CHRM3: variants seen among roughly 807,000 people sequenced by gnomAD.
The protein encoded by CHRM3 is muscarinic acetylcholine receptor M3.
In CHRM3, 11 loss-of-function variants were observed where a neutral mutation model predicts 41.8. That is an observed-to-expected ratio of 0.26 (90% CI 0.17 to 0.44). The LOEUF (loss-of-function observed/expected upper bound fraction) is 0.44. CHRM3 is among the 20% of genes least tolerant of loss of function. CHRM3 has a pLI of 1.00. For synonymous variants in CHRM3, 297 were observed against 301.4 expected, an observed-to-expected ratio of 0.99 and a Z score of 0.15; for missense variants, 571 against 745.4, an observed-to-expected ratio of 0.77 and a Z score of 2.72.
At chr1:239,462,517 A>G (rs1304437263) in intron 1 of CHRM3, among the ~76,000 whole-genome samples, 2 of 152,206 alleles carry the variant, frequency 1.3e-5, no homozygotes, top group African/African-American at 2.4e-5. Context: ...CAGAATTTCA[A>G]TTTGTACCTT....
chr1:239,699,684 G>T (rs529674784), intron 5 of CHRM3, among the ~76,000 whole-genome samples: 120 of 152,240 alleles, frequency 7.9e-4, no homozygotes, highest in African/African-American at 2.8e-3. Flanking sequence ...CATACATAAA[G>T]TATTTTTGTG....
chr1:239,676,978 C>G lies in CHRM3; in HGVS notation c.-249-1208C>G, dbSNP rs138767507. ...GGGGCAGCTTTCAGAACATGCCATT[C>G]CCCTTCACAGCCTCCTGCATGGGAG... On this transcript the variant is annotated intron_variant, in intron 4 of 6. Coordinates refer to ENST00000676153, the MANE Select transcript of CHRM3 (RefSeq NM_001375978.1). Among the ~76,000 whole-genome samples the G allele has an allele frequency of 2.2e-3, 330 of 152,278 alleles. 2 individuals carry two copies. Among genetic ancestry groups the G allele is most frequent in the African/African-American group, 7.6e-3 (314 of 41,556 alleles).
intron 4 of CHRM3, among the ~76,000 whole-genome samples, chr1:239,661,843 C>T (rs934554099): frequency 3.3e-5 from 5 of 151,934 alleles, no homozygotes; most frequent in African/African-American, 1.2e-4. Context: ...TATTGGTTCA[C>T]TTGTTATAAC....
At chr1:239,794,232 G>A (rs184361725) in intron 5 of CHRM3, among the ~76,000 whole-genome samples, 1 of 152,192 alleles carries the variant, frequency 6.6e-6, no homozygotes, top group African/African-American at 2.4e-5. Flanking sequence ...TAACATGTCT[G>A]GAGACAGTAC....
chr1:239,441,442 T>C (rs1663710605), intron 1 of CHRM3, among the ~76,000 whole-genome samples: 1 of 152,230 alleles, frequency 6.6e-6, no homozygotes, highest in Admixed American at 6.5e-5. Flanking sequence ...TTTCCATTGC[T>C]TCATTTCTCA....
intron 5 of CHRM3, among the ~76,000 whole-genome samples, chr1:239,711,633 C>T (rs539128303): frequency 1.8e-4 from 28 of 151,768 alleles, no homozygotes; most frequent in African/African-American, 6.0e-4. Flanking sequence ...CACTGCCCCA[C>T]TCCCTCCGTC....
intron 2 of CHRM3, among the ~76,000 whole-genome samples, chr1:239,531,587 AATC>A (rs1199857517): frequency 1.8e-4 from 27 of 149,908 alleles, no homozygotes; most frequent in Non-Finnish European, 1.5e-5. Flanking sequence ...GGTAAACAAA[AATC>A]ATGTATGCTA....
chr1:239,444,829 G>T (rs1373342247), intron 1 of CHRM3, among the ~76,000 whole-genome samples: 1 of 152,144 alleles, frequency 6.6e-6, no homozygotes, highest in Admixed American at 6.5e-5. Context: ...ACTAAGAGGT[G>T]GGATTAGAAA....
chr1:239,489,432 G>T (rs1667417842), intron 1 of CHRM3, among the ~76,000 whole-genome samples: 1 of 151,838 alleles, frequency 6.6e-6, no homozygotes, highest in South Asian at 2.1e-4. Flanking sequence ...AAAATTGGGG[G>T]TCAGTTAGGA....
chr1:239,429,537 G>A (rs1228256940), intron 1 of CHRM3, among the ~76,000 whole-genome samples: 1 of 152,000 alleles, frequency 6.6e-6, no homozygotes, highest in East Asian at 1.9e-4. Context: ...TATAAAACCG[G>A]GATGTAATTG....
At chr1:239,865,190 T>C (rs1275891944) in intron 6 of CHRM3, among the ~76,000 whole-genome samples, 1 of 152,172 alleles carries the variant, frequency 6.6e-6, no homozygotes, top group Non-Finnish European at 1.5e-5. Flanking sequence ...CTCTGTGATA[T>C]ATTGTTATGG....
intron 1 of CHRM3, among the ~76,000 whole-genome samples, chr1:239,485,020 T>C (rs1667097486): frequency 6.6e-6 from 1 of 152,234 alleles, no homozygotes; most frequent in African/African-American, 2.4e-5. Context: ...GATATCCCTA[T>C]ATTTATGGAG....
At chr1:239,519,297 G>A (rs1669471911) in intron 2 of CHRM3, among the ~76,000 whole-genome samples, 1 of 152,020 alleles carries the variant, frequency 6.6e-6, no homozygotes, top group African/African-American at 2.4e-5. Flanking sequence ...GCTCCTCTAG[G>A]AAACTAAACT....
chr1:239,856,851 G>C (rs905167981), intron 6 of CHRM3, among the ~76,000 whole-genome samples: 6 of 152,162 alleles, frequency 3.9e-5, no homozygotes, highest in African/African-American at 1.2e-4. Context: ...GTGCATGAAG[G>C]CTTCTTAGAA....
intron 2 of CHRM3, among the ~76,000 whole-genome samples, chr1:239,519,741 C>CTTTTTTTTTTTTTTTTTTTTT (rs386370161): frequency 2.4e-5 from 2 of 85,054 alleles, no homozygotes; most frequent in Non-Finnish European, 4.2e-5. Context: ...AAAACTAGTT[C>CTTTTTTTTTTTTTTTTTTTTT]TTTTTTTTTT....
chr1:239,449,912 G>T (rs1293854396), intron 1 of CHRM3, among the ~76,000 whole-genome samples: 2 of 152,120 alleles, frequency 1.3e-5, no homozygotes, highest in African/African-American at 2.4e-5. Context: ...ATTACTGGGG[G>T]TTGAGTTCCG....
chr1:239,522,563 T>C (rs768889966), intron 2 of CHRM3, among the ~76,000 whole-genome samples: 7 of 152,244 alleles, frequency 4.6e-5, no homozygotes, highest in Non-Finnish European at 1.0e-4. Context: ...GATTATTATA[T>C]GCAATAATAG....
At chr1:239,657,942 A>T (rs555927759) in intron 4 of CHRM3, among the ~76,000 whole-genome samples, 1 of 152,282 alleles carries the variant, frequency 6.6e-6, no homozygotes, top group South Asian at 2.1e-4. Flanking sequence ...TCTGACAGCT[A>T]CATTGTTGTA....
chr1:239,449,702 G>A (rs1664419728), intron 1 of CHRM3, among the ~76,000 whole-genome samples: 1 of 151,886 alleles, frequency 6.6e-6, no homozygotes, highest in African/African-American at 2.4e-5. Context: ...AATTTTCTCA[G>A]CTTTCTATTT....
Sources: gnomAD v4.1 joint callset for allele counts (sites outside exome capture counted in the v4.1 genomes callset) on GRCh38, gnomAD v4.1.1 for gene constraint, MANE v1.5 for transcripts, NCBI Gene and HGNC (gene_info 2026-07-23, HGNC 2026-07-21) for gene names.